Variants in FUBP3 observed in about 807,000 individuals in gnomAD.
The protein encoded by FUBP3 is far upstream element-binding protein 3.
A neutral mutation model predicts 85.6 loss-of-function variants in FUBP3; 28 were observed. The observed-to-expected ratio is 0.33, with a 90% CI of 0.24 to 0.45. FUBP3 has a LOEUF of 0.45. Ranked by LOEUF, FUBP3 falls within the 20% of genes least tolerant of loss-of-function variation. FUBP3 has a pLI of 1.00. For missense variants in FUBP3, 583 were observed against 755.1 expected (o/e 0.77, Z 2.67); for synonymous variants, 271 against 271.4 (o/e 1.00, Z 0.01).
intron 1 of FUBP3, among the ~76,000 whole-genome samples, chr9:130,591,881 C>T (rs1039283329): frequency 1.3e-5 from 2 of 152,192 alleles, no homozygotes; most frequent in African/African-American, 4.8e-5. Context: ...CATGAAACTA[C>T]TACATACGTT....
chr9:130,624,118 C>T (rs1409707966), intron 11 of FUBP3, among the ~76,000 whole-genome samples: 1 of 152,228 alleles, frequency 6.6e-6, no homozygotes, highest in Non-Finnish European at 1.5e-5. Flanking sequence ...ATTTCATGCA[C>T]ATCTTTGGAC....
At chr9:130,626,652 G>A (rs1003176553) in intron 12 of FUBP3, 147 bp downstream of exon 12, 21 of 737,904 alleles carry the variant, frequency 2.8e-5, no homozygotes, top group South Asian at 2.0e-4. Flanking sequence ...ACCTTCTGCC[G>A]AAACCCTGCT....
chr9:130,617,728 A>C (rs1832079256), intron 7 of FUBP3, 69 bp from the exon 8 acceptor site: 1 of 1,008,540 alleles, frequency 9.9e-7, no homozygotes, highest in Admixed American at 1.7e-5. Flanking sequence ...ACTGGGTCCG[A>C]TTTTGTGCTG....
In FUBP3 at chr9:130,622,761, G is replaced by A; in HGVS notation, c.825G>A (p.Met275Ile). Residue 275 changes from methionine (M) to isoleucine (I), a missense_variant, in exon 10 of 19, where the codon ATG becomes ATA. Transcript: ENST00000319725. ...TTGTAATAGGAAGAAACGGGGAAATGATCAAAAAGATCCAGAATGATGCTG... is the reference window on the plus strand; with the variant it reads ...TTGTAATAGGAAGAAACGGGGAAATAATCAAAAAGATCCAGAATGATGCTG... Reference protein sequence around the residue: ...VGIVIGRNGEMIKKIQNDAGV... With the variant: ...VGIVIGRNGEIIKKIQNDAGV... The A allele has an allele frequency of 6.2e-7, 1 of 1,600,598 alleles. No individual in the cohort carries two copies. The highest frequency in any genetic ancestry group is 8.5e-7 in the Non-Finnish European group (1 of 1,170,614).
chr9:130,583,006 T>G (rs1830198383), intron 1 of FUBP3, among the ~76,000 whole-genome samples: 1 of 152,240 alleles, frequency 6.6e-6, no homozygotes, highest in African/African-American at 2.4e-5. Context: ...GCCTCTGGAT[T>G]GTATAACTAC....
intron 10 of FUBP3, among the ~76,000 whole-genome samples, chr9:130,623,138 A>G (rs576484851): frequency 6.6e-6 from 1 of 152,256 alleles, no homozygotes; most frequent in South Asian, 2.1e-4. Flanking sequence ...ATATATGTAT[A>G]ATTTTGATTT....
Position 130,612,540 on chromosome 9 carries a change from C to T in FUBP3, c.274+35C>T. The T allele has an allele frequency of 7.8e-7, 1 of 1,283,172 alleles. No individual in the cohort carries two copies. Among genetic ancestry groups the T allele is most frequent in the African/African-American group, 1.5e-5 (1 of 68,094 alleles). The allele number at this position is 1,283,172 out of a possible 1,614,324, so 79.5% of individuals were successfully genotyped here. A position where few individuals can be genotyped will look rare whatever the true frequency, so the allele number is the denominator to read the frequency against. On this transcript the variant is annotated intron_variant, in intron 4 of 18. Transcript: ENST00000319725. This position sits in a 1 kb window ranked among gnomAD's most constrained non-coding sequence, Gnocchi z 4.1. The stretch of plus-strand genomic sequence containing the variant: ...CATGTTGTCTACTTTTTCCCTGATT[C>T]CTGTCTCTTCTTTTTCTCTCTTTTT...
In FUBP3 at chr9:130,620,473, C is replaced by G. The variant is rs1399362765; in HGVS notation, c.771+15C>G. 1 of 1,349,346 alleles carries G rather than the reference C, an allele frequency of 7.4e-7. No individual in the cohort carries two copies. Among genetic ancestry groups the G allele is most frequent in the African/African-American group, 1.5e-5 (1 of 68,924 alleles). 83.6% of individuals were successfully genotyped at this position (1,349,346 alleles called of 1,614,324 possible). On this transcript the variant is annotated intron_variant, in intron 9 of 18. Transcript: ENST00000319725. ...GCAGTATAGAGGTATGCTTAAATTACAGGTTAGTAGGCAAATGAGATGAGG... is the reference window on the plus strand; with the variant it reads ...GCAGTATAGAGGTATGCTTAAATTAGAGGTTAGTAGGCAAATGAGATGAGG...
intron 1 of FUBP3, among the ~76,000 whole-genome samples, chr9:130,588,203 G>GT (rs1277705211): frequency 6.6e-6 from 1 of 152,190 alleles, no homozygotes; most frequent in Non-Finnish European, 1.5e-5. Flanking sequence ...GCTTCAGACA[G>GT]TATGAGTTCA....
Position 130,612,760 on chromosome 9 carries a change from C to T in FUBP3, c.275-196C>T, listed in dbSNP as rs1831811392. ...ACCTCTCCCCACCTCAGCTCAGATC[C>T]CCTCTGCCTGTAGGCTGTTTCACAA... On this transcript the variant is annotated intron_variant, in intron 4 of 18. Coordinates refer to ENST00000319725, the MANE Select transcript of FUBP3 (RefSeq NM_003934.2). This position sits in a 1 kb window ranked among gnomAD's most constrained non-coding sequence, Gnocchi z 4.1. Among the ~76,000 whole-genome samples the T allele has an allele frequency of 6.6e-6, 1 of 152,134 alleles. No individual in the cohort carries two copies. The highest frequency in any genetic ancestry group is 2.1e-4 in the South Asian group (1 of 4,826).
intron 1 of FUBP3, among the ~76,000 whole-genome samples, chr9:130,589,675 G>GTATATATATATATATATATATATA (rs1170568300): frequency 5.8e-5 from 2 of 34,288 alleles, no homozygotes; most frequent in Admixed American, 4.8e-4. Flanking sequence ...GTATGTGTGT[G>GTATATATATATATATATATATATA]TATATATATA....
At chr9:130,599,351 ATAAG>A (rs1402762116) in intron 2 of FUBP3, among the ~76,000 whole-genome samples, 1 of 103,246 alleles carries the variant, frequency 9.7e-6, no homozygotes, top group East Asian at 3.7e-4. Flanking sequence ...ACACATATAT[ATAAG>A]TATATGTGTG....
intron 11 of FUBP3, among the ~76,000 whole-genome samples, chr9:130,624,002 A>G (rs1774848412): frequency 6.6e-6 from 1 of 151,522 alleles, no homozygotes; most frequent in African/African-American, 2.4e-5. Context: ...CCAAGTTTCA[A>G]ATAATCAAGT....
rs972949505 is a variant in FUBP3, at chr9:130,616,574, C to T, written c.567+57C>T. On this transcript the variant is annotated intron_variant, in intron 7 of 18. Coordinates refer to ENST00000319725, the MANE Select transcript of FUBP3 (RefSeq NM_003934.2). The surrounding 1 kb of genome is among the most constrained non-coding windows in gnomAD (Gnocchi z 4.7). The stretch of plus-strand genomic sequence containing the variant: ...CCGCTCGCAGCAGGTCTTCAGCTTC[C>T]TGGCCCAGGAGATCTGCTTACGGCT... 7 of 1,541,442 alleles carry T rather than the reference C, an allele frequency of 4.5e-6. No homozygotes were observed. Among genetic ancestry groups the T allele is most frequent in the African/African-American group, 4.1e-5 (3 of 73,540 alleles).
At chr9:130,591,089 T>G (rs950662100) in intron 1 of FUBP3, among the ~76,000 whole-genome samples, 1 of 151,780 alleles carries the variant, frequency 6.6e-6, no homozygotes, top group Non-Finnish European at 1.5e-5. Flanking sequence ...CTGCCGCTTA[T>G]AAGATGGGTG....
chr9:130,615,208 C>T (rs1273852588), intron 6 of FUBP3, among the ~76,000 whole-genome samples: 2 of 152,194 alleles, frequency 1.3e-5, no homozygotes, highest in South Asian at 2.1e-4. Context: ...GGAGTCAAAG[C>T]ATTTTTCTTC....
chr9:130,608,065 C>A (rs564390056), intron 2 of FUBP3, among the ~76,000 whole-genome samples: 1 of 152,282 alleles, frequency 6.6e-6, no homozygotes, highest in East Asian at 1.9e-4. Context: ...GAACAGGAGC[C>A]CTCTGAATAT....
chr9:130,579,728 C>T lies in FUBP3; in HGVS notation c.48C>T (p.Ala16=), dbSNP rs764021191. The change falls in exon 1 of 19, where the codon GCC becomes GCT. Residue 16 remains alanine (A), a synonymous_variant. Coordinates refer to ENST00000319725, the MANE Select transcript of FUBP3 (RefSeq NM_003934.2). ...AGAGCGCTCCTGTGGGGATGAAGGC[C>T]GAGGGCTTCGTGGATGCCCTGCACC... The part of the protein sequence containing the change: ...QGQSAPVGMK[A]EGFVDALHRV... 3.1e-6 allele frequency: 4 copies of T among 1,279,268 alleles called. No individual in the cohort carries two copies. The highest frequency in any genetic ancestry group is 4.0e-6 in the Non-Finnish European group (4 of 1,009,582). The allele number at this position is 1,279,268 out of a possible 1,614,324, so 79.2% of individuals were successfully genotyped here.
intron 1 of FUBP3, among the ~76,000 whole-genome samples, chr9:130,587,131 C>G (rs537247324): frequency 9.8e-4 from 145 of 147,496 alleles, no homozygotes; most frequent in Non-Finnish European, 1.6e-3. Context: ...GTGGCATGAT[C>G]TCGGCTCACT....
Sources: gnomAD v4.1 joint callset for allele counts (sites outside exome capture counted in the v4.1 genomes callset) on GRCh38, gnomAD v4.1.1 for gene constraint, Gnocchi (gnomAD v3.1) non-coding constraint, MANE v1.5 for transcripts, NCBI Gene and HGNC (gene_info 2026-07-23, HGNC 2026-07-21) for gene names.